The following SLC4A4 variants were observed in gnomAD, a reference collection of about 807,000 sequenced individuals.
The protein encoded by SLC4A4 is solute carrier family 4 member 4.
In SLC4A4, 27 loss-of-function variants were observed where a neutral mutation model predicts 111.5. That is an observed-to-expected ratio of 0.24 (90% CI 0.18 to 0.33). The LOEUF (loss-of-function observed/expected upper bound fraction) is 0.33, where lower values mean the gene tolerates loss of function less well. Among genes scored for constraint, SLC4A4 ranks in the 10% least tolerant of loss-of-function variants. SLC4A4 has a pLI of 1.00. For missense variants in SLC4A4, 909 were observed against 1,315.5 expected (o/e 0.69, Z 4.78); for synonymous variants, 443 against 463.4 (o/e 0.96, Z 0.57).
At chr4:71,121,874 A>C (rs6838697) in intron 2 of SLC4A4, among the ~76,000 whole-genome samples, 149,861 of 152,146 alleles carry the variant, frequency 0.98, 73,855 homozygotes, top group East Asian at 1. Context: ...TAACACTCAC[A>C]ACGAATGTCT....
intron 16 of SLC4A4, 92 bp downstream of exon 16, chr4:71,497,784 A>C: frequency 2.0e-6 from 2 of 1,002,224 alleles, no homozygotes; most frequent in Admixed American, 3.6e-5. Context: ...CCTGTAATTC[A>C]ATGTGTCCAA....
chr4:71,450,430 C>T lies in SLC4A4; in HGVS notation c.1095C>T (p.Asp365=). 2 of 1,612,218 alleles carry T rather than the reference C, an allele frequency of 1.2e-6. No homozygotes were observed. The highest frequency in any genetic ancestry group is 1.7e-6 in the Non-Finnish European group (2 of 1,178,384). ...DIAYKAKDRH[D]LIAGIDEFLD... is the part of the protein sequence containing the mutation. ...CTTATAAAGCAAAAGACAGGCACGA[C>T]CTGATTGCTGGTATTGATGAGTTCC... The change falls in exon 10 of 26, where the codon GAC becomes GAT. Residue 365 remains aspartate (D), a synonymous_variant. Transcript: ENST00000264485.
chr4:71,490,356 C>A (rs1367331811), intron 15 of SLC4A4, among the ~76,000 whole-genome samples: 1 of 151,628 alleles, frequency 6.6e-6, no homozygotes, highest in East Asian at 1.9e-4. Flanking sequence ...TTGAGGCATA[C>A]CTTAAAATAC....
At chr4:71,300,671 GC>G in intron 3 of SLC4A4, 1 of 384,812 alleles carries the variant, frequency 2.6e-6, no homozygotes, top group Admixed American at 3.0e-5. Context: ...ATGAGGAGCA[GC>G]AGGCCCAGCG....
At chr4:71,330,233 G>A (rs1261167482) in intron 3 of SLC4A4, among the ~76,000 whole-genome samples, 1 of 152,066 alleles carries the variant, frequency 6.6e-6, no homozygotes, top group Non-Finnish European at 1.5e-5. Flanking sequence ...GAGAATTTTT[G>A]CATCAGTGTT....
intron 2 of SLC4A4, among the ~76,000 whole-genome samples, chr4:71,174,360 G>T (rs370232348): frequency 1.3e-5 from 2 of 150,540 alleles, no homozygotes; most frequent in African/African-American, 4.9e-5. Context: ...AGCAATTCTC[G>T]TGCCTCAGCC....
chr4:71,236,007 A>C lies in SLC4A4; in HGVS notation c.-1-569A>C, dbSNP rs1190081056. On this transcript the variant is annotated intron_variant, in intron 1 of 25. Coordinates refer to ENST00000264485, the MANE Select transcript of SLC4A4 (RefSeq NM_001098484.3). The stretch of plus-strand genomic sequence containing the variant: ...TGTGACTCAAAGCTTGCCACTCAAC[A>C]GAGAATACTGGGCTGTGCTGATATT... 10 of 983,900 alleles carry C rather than the reference A, an allele frequency of 1.0e-5. No individual in the cohort carries two copies. The South Asian group carries it at 1.9e-4, about 18-fold the overall frequency. The allele number at this position is 983,900 out of a possible 1,614,324, so 60.9% of individuals were successfully genotyped here.
At chr4:71,445,627 C>T (rs1172301893) in intron 8 of SLC4A4, among the ~76,000 whole-genome samples, 2 of 152,140 alleles carry the variant, frequency 1.3e-5, no homozygotes, top group Admixed American at 1.3e-4. Context: ...GGCACAGCAT[C>T]TGCCCCTTTT....
intron 19 of SLC4A4, 78 bp from the exon 20 acceptor site, chr4:71,547,570 G>GT: frequency 1.7e-6 from 2 of 1,201,364 alleles, no homozygotes; most frequent in Non-Finnish European, 2.5e-6. Flanking sequence ...TCAATGTGTA[G>GT]TTTTTTTGAA....
rs149338461 is a variant in SLC4A4 at position 71,204,301 on chromosome 4, C to T, written c.-2+16900C>T. Among the ~76,000 whole-genome samples, 86 of 152,250 alleles carry T rather than the reference C, an allele frequency of 5.6e-4. No homozygotes were observed. The East Asian group carries it at 0.014, about 25-fold the overall frequency. On this transcript the variant is annotated intron_variant, in intron 1 of 25. Coordinates refer to ENST00000264485, the MANE Select transcript of SLC4A4 (RefSeq NM_001098484.3). ...TTAATTGCCACAACCCCCATGTGGG[C>T]GTAGAATAGCAAGCATGTCTTTCTG...
chr4:71,275,632 A>G (rs1723015721), intron 3 of SLC4A4, among the ~76,000 whole-genome samples: 1 of 152,228 alleles, frequency 6.6e-6, no homozygotes, highest in Admixed American at 6.5e-5. Flanking sequence ...ACACATCACA[A>G]ATTACCTATT....
At chr4:71,373,401 A>G (rs1235939171) in intron 6 of SLC4A4, among the ~76,000 whole-genome samples, 1 of 152,246 alleles carries the variant, frequency 6.6e-6, no homozygotes, top group Non-Finnish European at 1.5e-5. Flanking sequence ...TGGGAGAGAC[A>G]GACTTTTCAA....
chr4:71,132,441 T>A (rs566757864), intron 2 of SLC4A4, among the ~76,000 whole-genome samples: 2 of 152,316 alleles, frequency 1.3e-5, no homozygotes, highest in South Asian at 4.1e-4. Flanking sequence ...ATCCTGCAGC[T>A]GAGGCTGCTG....
At chr4:71,089,561 A>G (rs1326307634) in intron 1 of SLC4A4, among the ~76,000 whole-genome samples, 1 of 151,974 alleles carries the variant, frequency 6.6e-6, no homozygotes, top group East Asian at 1.9e-4. Flanking sequence ...ATGGTGACGT[A>G]CAGATGGTGT....
At chr4:71,156,941 T>C (rs1010704879) in intron 2 of SLC4A4, among the ~76,000 whole-genome samples, 1 of 152,196 alleles carries the variant, frequency 6.6e-6, no homozygotes, top group African/African-American at 2.4e-5. Flanking sequence ...TTTTTATTAG[T>C]TATTCTAAAT....
At chr4:71,397,698 A>G in intron 7 of SLC4A4, 45 bp downstream of exon 7, 1 of 1,489,728 alleles carries the variant, frequency 6.7e-7, no homozygotes, top group Non-Finnish European at 9.4e-7. Context: ...GAGAACGTAT[A>G]TCTAAAAGAT....
At chr4:71,487,976 G>A (rs1399846368) in intron 15 of SLC4A4, among the ~76,000 whole-genome samples, 1 of 151,434 alleles carries the variant, frequency 6.6e-6, no homozygotes, top group Admixed American at 6.6e-5. Context: ...ATGTGTATAT[G>A]TTTTACCACA....
intron 16 of SLC4A4, among the ~76,000 whole-genome samples, chr4:71,525,978 G>A (rs1453445): frequency 0.61 from 92,199 of 151,582 alleles, 30,081 homozygotes; most frequent in Non-Finnish European, 0.75. Context: ...CCTTAAAGTC[G>A]GACTGAGAAG....
At chr4:71,508,106 T>C (rs1731581544) in intron 16 of SLC4A4, among the ~76,000 whole-genome samples, 1 of 152,112 alleles carries the variant, frequency 6.6e-6, no homozygotes, top group Non-Finnish European at 1.5e-5. Flanking sequence ...GGGAACTTTA[T>C]AGCACTAAAA....
Sources: gnomAD v4.1 joint callset for allele counts (sites outside exome capture counted in the v4.1 genomes callset) on GRCh38, gnomAD v4.1.1 for gene constraint, MANE v1.5 for transcripts, NCBI Gene and HGNC (gene_info 2026-07-23, HGNC 2026-07-21) for gene names.